PRUNE2: variants seen among roughly 807,000 people sequenced by gnomAD.
The protein encoded by PRUNE2 is prune homolog 2 with BCH domain, also known as protein prune homolog 2.
In PRUNE2, 164 loss-of-function variants were observed where a neutral mutation model predicts 252.0. The ratio of observed to expected loss-of-function variants is 0.65; its 90% confidence interval spans 0.57 to 0.74. The LOEUF (loss-of-function observed/expected upper bound fraction) is 0.74, where lower values mean the gene tolerates loss of function less well. PRUNE2 is among the 30% of genes least tolerant of loss of function. The pLI is 0.00. For missense variants in PRUNE2, 3,495 were observed against 3,711.0 expected, an observed-to-expected ratio of 0.94 and a Z score of 1.51; for synonymous variants, 1,292 against 1,350.2, an observed-to-expected ratio of 0.96 and a Z score of 0.94.
At position 76,807,051 on chromosome 9, in the gene PRUNE2, T is replaced by TGTGTGTGTGTGCGCGC. The variant is rs60768420; in HGVS notation, c.756+16580_756+16581insGCGCGCACACACACAC. ...GTGTGTGTGTGTGTGTGTGTGTGTG[T>TGTGTGTGTGTGCGCGC]GCGCGCGCGCGTGTGTCTGTCTCTC... On this transcript the variant is annotated intron_variant, in intron 6 of 18. Transcript: ENST00000376718. Among the ~76,000 whole-genome samples, 328 of 139,430 alleles carry TGTGTGTGTGTGCGCGC rather than the reference T, an allele frequency of 2.4e-3. 2 individuals carry two copies. Among genetic ancestry groups the TGTGTGTGTGTGCGCGC allele is most frequent in the African/African-American group, 6.4e-3 (232 of 36,154 alleles). 91.5% of individuals were successfully genotyped at this position (139,430 alleles called of 152,430 possible).
At chr9:76,883,229 G>A (rs2061894465) in intron 1 of PRUNE2, among the ~76,000 whole-genome samples, 1 of 152,104 alleles carries the variant, frequency 6.6e-6, no homozygotes, top group Non-Finnish European at 1.5e-5. Context: ...GAAAGCCAGT[G>A]TCAGTTGCAA....
At chr9:76,846,021 C>CAGGGGAGCAAAGG (rs1346308951) in intron 4 of PRUNE2, among the ~76,000 whole-genome samples, 1 of 152,170 alleles carries the variant, frequency 6.6e-6, no homozygotes, top group East Asian at 1.9e-4. Context: ...TGTTACAAGA[C>CAGGGGAGCAAAGG]AGGGGAGCAA....
intron 6 of PRUNE2, among the ~76,000 whole-genome samples, chr9:76,733,013 T>C (rs1201865152): frequency 6.6e-6 from 1 of 152,170 alleles, no homozygotes; most frequent in Non-Finnish European, 1.5e-5. Context: ...CTGCCATTTA[T>C]ATAGATTTTT....
Position 76,792,161 on chromosome 9 carries a change from C to T in PRUNE2, c.756+31471G>A, listed in dbSNP as rs556579646. On this transcript the variant is annotated intron_variant, in intron 6 of 18. Transcript: ENST00000376718. The stretch of plus-strand genomic sequence containing the variant: ...ATTTCCCATGTGTGGTGGGAGGGGC[C>T]TGGTGGGAGGTAATTGAATCATGGG... Among the ~76,000 whole-genome samples the T allele has an allele frequency of 5.3e-5, 8 of 151,730 alleles. No homozygotes were observed. In the East Asian group the frequency reaches 1.5e-3, roughly 29 times the overall value.
At chr9:76,806,283 A>C (rs1448962388) in intron 6 of PRUNE2, among the ~76,000 whole-genome samples, 1 of 152,098 alleles carries the variant, frequency 6.6e-6, no homozygotes, top group Admixed American at 6.5e-5. Flanking sequence ...AAAAACCACT[A>C]CTCTAGGCTA....
intron 4 of PRUNE2, among the ~76,000 whole-genome samples, chr9:76,845,000 TAAAAAAAAAAAAAAA>T (rs55754002): frequency 8.2e-5 from 5 of 60,772 alleles, no homozygotes; most frequent in Admixed American, 2.4e-4. Flanking sequence ...CCCCCTCTCT[TAAAAAAAAAAAAAAA>T]AAAAAAAAAA....
Position 76,845,282 on chromosome 9 carries a change from G to A in PRUNE2, c.508+1233C>T, listed in dbSNP as rs1043716518. Among the ~76,000 whole-genome samples, 7 of 151,980 alleles carry A rather than the reference G, an allele frequency of 4.6e-5. 1 individual carries two copies. The highest frequency in any genetic ancestry group is 1.0e-4 in the Non-Finnish European group (7 of 68,026). On this transcript the variant is annotated intron_variant, in intron 4 of 18. Transcript: ENST00000376718. ...CTACATTTCTTTTCTACTAAATAAC[G>A]CATGTATTTTCACAACAATTAACCA...
At chr9:76,903,389 A>G (rs2063295305) in intron 1 of PRUNE2, among the ~76,000 whole-genome samples, 2 of 152,154 alleles carry the variant, frequency 1.3e-5, no homozygotes, top group South Asian at 2.1e-4. Flanking sequence ...AAAAAAAACC[A>G]AACTAGTAAT....
intron 6 of PRUNE2, among the ~76,000 whole-genome samples, chr9:76,799,341 CAAAA>C (rs71354683): frequency 2.7e-5 from 3 of 112,732 alleles, no homozygotes; most frequent in Non-Finnish European, 3.7e-5. Flanking sequence ...AACTCTGTCT[CAAAA>C]AAAAAAAAAA....
chr9:76,881,857 G>A (rs773226398), intron 1 of PRUNE2, among the ~76,000 whole-genome samples: 1 of 151,892 alleles, frequency 6.6e-6, no homozygotes, highest in African/African-American at 2.4e-5. Flanking sequence ...TCCTGACCTC[G>A]TGATCTGCCC....
At chr9:76,815,676 T>C (rs936067396) in intron 6 of PRUNE2, among the ~76,000 whole-genome samples, 2 of 152,150 alleles carry the variant, frequency 1.3e-5, no homozygotes, top group Non-Finnish European at 2.9e-5. Context: ...TGCAAAATCA[T>C]AGCTAGAAAA....
chr9:76,820,706 C>T (rs985700923), intron 6 of PRUNE2, among the ~76,000 whole-genome samples: 3 of 152,212 alleles, frequency 2.0e-5, no homozygotes, highest in Non-Finnish European at 1.5e-5. Context: ...TTTTGGAGAG[C>T]GGGATAAGCA....
intron 6 of PRUNE2, among the ~76,000 whole-genome samples, chr9:76,774,476 T>TTTTC (rs1323761923): frequency 6.7e-6 from 1 of 148,550 alleles, no homozygotes; most frequent in African/African-American, 2.5e-5. Context: ...TTTTTTTTTT[T>TTTTC]TGAGATGGAG....
intron 6 of PRUNE2, among the ~76,000 whole-genome samples, chr9:76,731,310 C>CTATCTA (rs1373309272): frequency 8.2e-5 from 3 of 36,648 alleles, no homozygotes; most frequent in Non-Finnish European, 1.3e-4. Flanking sequence ...ATCTATCTAT[C>CTATCTA]TATATATATA....
intron 15 of PRUNE2, among the ~76,000 whole-genome samples, chr9:76,633,025 C>T (rs141881693): frequency 0.011 from 1,699 of 152,220 alleles, 24 homozygotes; most frequent in African/African-American, 0.037. Context: ...AGTTCAAGAC[C>T]AGCCTGGCCA....
intron 12 of PRUNE2, among the ~76,000 whole-genome samples, chr9:76,641,345 C>T (rs946910156): frequency 3.4e-4 from 52 of 152,282 alleles, no homozygotes; most frequent in African/African-American, 1.3e-3. Flanking sequence ...AAGATTTCCA[C>T]ATGAAAGTTT....
In PRUNE2 at chr9:76,865,844, CACA is replaced by C. The variant is rs1564465996; in HGVS notation, c.37-11639_37-11637del. On this transcript the variant is annotated intron_variant, in intron 1 of 18. Coordinates refer to ENST00000376718, the MANE Select transcript of PRUNE2 (RefSeq NM_015225.3). ...ACACACACACACACACACACACACA[CACA>C]CCAGAGCATTATGACATGTGCATTA... is the stretch of plus-strand genomic sequence containing the variant. Among the ~76,000 whole-genome samples the C allele has an allele frequency of 2.1e-4, 31 of 147,858 alleles. 1 individual carries two copies. The highest frequency in any genetic ancestry group is 8.2e-4 in the African/African-American group (31 of 37,644).
intron 5 of PRUNE2, among the ~76,000 whole-genome samples, chr9:76,825,461 A>G (rs1281474550): frequency 6.6e-6 from 1 of 152,156 alleles, no homozygotes; most frequent in East Asian, 1.9e-4. Context: ...TTCCCCTATC[A>G]GTGTTGACTG....
At chr9:76,796,166 G>A (rs571745982) in intron 6 of PRUNE2, among the ~76,000 whole-genome samples, 6 of 152,226 alleles carry the variant, frequency 3.9e-5, no homozygotes, top group Admixed American at 2.0e-4. Context: ...GCTTAAGAAC[G>A]CACAGCACTC....
Sources: allele counts gnomAD v4.1 joint callset (sites outside exome capture counted in the v4.1 genomes callset), GRCh38; gene constraint gnomAD v4.1.1; transcripts MANE v1.5; gene names NCBI Gene and HGNC (gene_info 2026-07-23, HGNC 2026-07-21).